Variants in IL1RAPL1 observed in about 807,000 individuals in gnomAD.
IL1RAPL1 encodes the protein interleukin-1 receptor accessory protein-like 1.
IL1RAPL1 carries 3 observed loss-of-function variants against 48.4 expected under a neutral mutation model. The observed-to-expected ratio is 0.06, with a 90% CI of 0.03 to 0.16. The LOEUF (loss-of-function observed/expected upper bound fraction) is 0.16, where lower values mean the gene tolerates loss of function less well. Ranked by LOEUF, IL1RAPL1 falls within the 10% of genes least tolerant of loss-of-function variation. The probability of loss-of-function intolerance (pLI) is 1.00; values close to 1 mark genes in which losing one functional copy is unlikely to be tolerated. For synonymous variants in IL1RAPL1, 185 were observed against 187.7 expected (o/e 0.99, Z 0.12); for missense variants, 349 against 530.6 (o/e 0.66, Z 3.36).
chrX:28,907,222 C>T (rs1344447056), intron 2 of IL1RAPL1, among the ~76,000 whole-genome samples: 1 of 111,150 alleles, frequency 9.0e-6, no homozygotes, highest in Non-Finnish European at 1.9e-5. Flanking sequence ...CTTGTTGTAG[C>T]GGATTGCATT....
At chrX:29,049,527 C>G (rs1360298829) in intron 2 of IL1RAPL1, among the ~76,000 whole-genome samples, 1 of 111,501 alleles carries the variant, frequency 9.0e-6, no homozygotes. Context: ...ATTTTCTGTT[C>G]CGTACATATT....
At chrX:28,996,013 G>A (rs974858339) in intron 2 of IL1RAPL1, among the ~76,000 whole-genome samples, 5 of 110,585 alleles carry the variant, frequency 4.5e-5, no homozygotes, top group Non-Finnish European at 9.5e-5. Flanking sequence ...GGATATTCAC[G>A]GTGTTGTGCA....
chrX:29,196,364 A>ATAAG (rs1286326069), intron 2 of IL1RAPL1, among the ~76,000 whole-genome samples: 1 of 112,348 alleles, frequency 8.9e-6, no homozygotes, highest in African/African-American at 3.2e-5. Context: ...ATAAGTTCAG[A>ATAAG]TAAGTTCACA....
chrX:29,187,497 G>A (rs1930274026), intron 2 of IL1RAPL1, among the ~76,000 whole-genome samples: 1 of 111,348 alleles, frequency 9.0e-6, no homozygotes, highest in African/African-American at 3.3e-5. Flanking sequence ...ACTGTGAGTT[G>A]CATTATAGGA....
intron 2 of IL1RAPL1, among the ~76,000 whole-genome samples, chrX:28,939,218 A>G (rs1167164190): frequency 9.0e-6 from 1 of 111,040 alleles, no homozygotes; most frequent in East Asian, 2.8e-4. Flanking sequence ...TTCTACCATA[A>G]AGACACATGC....
intron 2 of IL1RAPL1, among the ~76,000 whole-genome samples, chrX:29,204,340 G>A (rs1930619998): frequency 8.9e-6 from 1 of 111,941 alleles, no homozygotes; most frequent in African/African-American, 3.2e-5. Flanking sequence ...CCCACCAACA[G>A]TGTACAAGAG....
intron 1 of IL1RAPL1, among the ~76,000 whole-genome samples, chrX:28,602,275 A>G (rs5943525): frequency 8.9e-6 from 1 of 111,738 alleles, no homozygotes; most frequent in Non-Finnish European, 1.9e-5. Context: ...ACATTTCTAT[A>G]TATTCACTAG....
chrX:28,827,915 A>T (rs960972692), intron 2 of IL1RAPL1, among the ~76,000 whole-genome samples: 2 of 112,015 alleles, frequency 1.8e-5, no homozygotes, highest in African/African-American at 6.5e-5. Context: ...TAACACTTTT[A>T]TAAGTACAGT....
intron 3 of IL1RAPL1, among the ~76,000 whole-genome samples, chrX:29,361,698 A>G (rs961228848): frequency 8.9e-6 from 1 of 112,392 alleles, no homozygotes; most frequent in African/African-American, 3.2e-5. Context: ...AAATAGAAAT[A>G]TCATACAGTA....
intron 6 of IL1RAPL1, among the ~76,000 whole-genome samples, chrX:29,690,488 C>T (rs1427023063): frequency 9.0e-6 from 1 of 111,451 alleles, no homozygotes; most frequent in Admixed American, 9.5e-5. Flanking sequence ...GTTTTATTTA[C>T]CTCTGAGTAA....
At chrX:29,557,117 T>G (rs5927016) in intron 5 of IL1RAPL1, among the ~76,000 whole-genome samples, 29,245 of 111,036 alleles carry the variant, frequency 0.26, 3,501 homozygotes, top group South Asian at 0.48. Flanking sequence ...ATGTTGTGTA[T>G]GCGTGGGGCC....
chrX:29,735,722 A>G (rs867782558), intron 6 of IL1RAPL1, among the ~76,000 whole-genome samples: 2 of 105,193 alleles, frequency 1.9e-5, no homozygotes, highest in African/African-American at 7.7e-5. Context: ...TATGTTTGAG[A>G]TTTTTTTTTT....
chrX:29,210,254 A>G (rs1287881980), intron 2 of IL1RAPL1, among the ~76,000 whole-genome samples: 2 of 112,337 alleles, frequency 1.8e-5, no homozygotes, highest in Non-Finnish European at 3.7e-5. Flanking sequence ...TGTCAAAAAT[A>G]ATATGACGCT....
intron 2 of IL1RAPL1, among the ~76,000 whole-genome samples, chrX:28,949,266 G>A (rs1398768472): frequency 9.1e-6 from 1 of 109,298 alleles, no homozygotes; most frequent in Non-Finnish European, 1.9e-5. Context: ...TTGAGAAAAG[G>A]TGTTTTTTGT....
chrX:28,731,207 A>AT (rs1407018845), intron 1 of IL1RAPL1, among the ~76,000 whole-genome samples: 1 of 110,796 alleles, frequency 9.0e-6, no homozygotes, highest in East Asian at 2.8e-4. Context: ...TTTCATTTTG[A>AT]TTTTTTTTCT....
chrX:29,321,448 G>A (rs1449349955), intron 3 of IL1RAPL1, among the ~76,000 whole-genome samples: 1 of 112,079 alleles, frequency 8.9e-6, no homozygotes, highest in Non-Finnish European at 1.9e-5. Context: ...TAATGAGCCT[G>A]TTACAGTGAA....
At chrX:29,585,339 G>A (rs1923119447) in intron 5 of IL1RAPL1, among the ~76,000 whole-genome samples, 1 of 111,993 alleles carries the variant, frequency 8.9e-6, no homozygotes, top group Admixed American at 9.5e-5. Context: ...ATGTCCTCAA[G>A]TTTCATTCAT....
intron 5 of IL1RAPL1, among the ~76,000 whole-genome samples, chrX:29,477,913 A>C (rs1242507365): frequency 8.9e-6 from 1 of 112,375 alleles, no homozygotes; most frequent in East Asian, 2.8e-4. Context: ...AAATACATAA[A>C]GACTTGCAGC....
chrX:28,963,012 A>G (rs904499979), intron 2 of IL1RAPL1, among the ~76,000 whole-genome samples: 2 of 110,404 alleles, frequency 1.8e-5, no homozygotes, highest in African/African-American at 3.3e-5. Context: ...ACTTACTTAG[A>G]GTGCTTTTTG....
Sources: allele counts gnomAD v4.1 joint callset (sites outside exome capture counted in the v4.1 genomes callset), GRCh38; gene constraint gnomAD v4.1.1; transcripts MANE v1.5; gene names NCBI Gene and HGNC (gene_info 2026-07-23, HGNC 2026-07-21).